The following STRN3 variants were observed in gnomAD, a reference collection of about 807,000 sequenced individuals.
STRN3 encodes striatin 3.
In STRN3, 29 loss-of-function variants were observed where a neutral mutation model predicts 95.6. The observed-to-expected ratio is 0.30, with a 90% CI of 0.23 to 0.41. The LOEUF is 0.41. Ranked by LOEUF, STRN3 falls within the 10% of genes least tolerant of loss-of-function variation. The pLI, the probability that STRN3 is intolerant of heterozygous loss-of-function variation, is 1.00. For synonymous variants in STRN3, 331 were observed against 357.6 expected (o/e 0.93, Z 0.84); for missense variants, 890 against 972.1 (o/e 0.92, Z 1.12).
At chr14:31,001,859 G>A (rs189613630) in intron 1 of STRN3, among the ~76,000 whole-genome samples, 206 of 151,676 alleles carry the variant, frequency 1.4e-3, no homozygotes, top group African/African-American at 4.6e-3. Context: ...GCAAAACCCC[G>A]TCTCTGCTAA....
At chr14:31,013,908 ATTATTATTATTT>A (rs1292116675) in intron 1 of STRN3, among the ~76,000 whole-genome samples, 16 of 107,998 alleles carry the variant, frequency 1.5e-4, no homozygotes, top group African/African-American at 4.1e-4. Flanking sequence ...TATTATTATT[ATTATTATTATTT>A]GAGACAGAGT....
At chr14:30,976,200 C>G (rs998295274) in intron 1 of STRN3, among the ~76,000 whole-genome samples, 2 of 151,984 alleles carry the variant, frequency 1.3e-5, no homozygotes, top group African/African-American at 4.8e-5. Context: ...CAGAAAATAA[C>G]AAAAAGTAAA....
At chr14:30,984,346 G>C in intron 1 of STRN3, among the ~76,000 whole-genome samples, 1 of 149,428 alleles carries the variant, frequency 6.7e-6, no homozygotes, top group East Asian at 2.0e-4. Context: ...AGAGACTGCA[G>C]TGAGCTGAGA....
chr14:30,908,163 A>G (rs1896515855), intron 13 of STRN3, among the ~76,000 whole-genome samples: 1 of 152,138 alleles, frequency 6.6e-6, no homozygotes, highest in Non-Finnish European at 1.5e-5. Context: ...CTGCTTCTCT[A>G]CTACACAAAT....
Position 31,013,564 on chromosome 14 carries a change from A to G in STRN3, c.282+12340T>C, listed in dbSNP as rs118122955. On this transcript the variant is annotated intron_variant, in intron 1 of 17. Coordinates refer to ENST00000357479, the MANE Select transcript of STRN3 (RefSeq NM_001083893.2). ...GGTGGTAGACAGGATCATGGTGAGT[A>G]TAAGACTTAATTTTGAACCACATAT... Among the ~76,000 whole-genome samples the G allele has an allele frequency of 1.9e-3, 285 of 152,196 alleles. 5 individuals are homozygous for G. The East Asian group carries it at 0.032, about 17-fold the overall frequency.
intron 1 of STRN3, among the ~76,000 whole-genome samples, chr14:30,993,355 C>T (rs1413569184): frequency 1.3e-5 from 2 of 151,774 alleles, no homozygotes; most frequent in African/African-American, 4.8e-5. Context: ...GAGAACATGA[C>T]TATTTCATCA....
At chr14:30,973,838 A>G (rs556479912) in intron 1 of STRN3, among the ~76,000 whole-genome samples, 1 of 152,368 alleles carries the variant, frequency 6.6e-6, no homozygotes, top group East Asian at 1.9e-4. Context: ...AAGCAATGTA[A>G]GAAAGTACAT....
chr14:30,973,651 G>A (rs547673358), intron 1 of STRN3, among the ~76,000 whole-genome samples: 2 of 152,186 alleles, frequency 1.3e-5, no homozygotes, highest in African/African-American at 4.8e-5. Context: ...GATAACCAAA[G>A]GCAGACAAAG....
At chr14:30,907,585 CTGAG>C (rs1896498627) in intron 13 of STRN3, among the ~76,000 whole-genome samples, 1 of 149,050 alleles carries the variant, frequency 6.7e-6, no homozygotes, top group South Asian at 2.3e-4. Context: ...GGTTCTTTCA[CTGAG>C]TATGTTTTCT....
At chr14:31,001,234 T>C (rs1456493921) in intron 1 of STRN3, among the ~76,000 whole-genome samples, 3 of 152,120 alleles carry the variant, frequency 2.0e-5, no homozygotes, top group Non-Finnish European at 4.4e-5. Context: ...TGTTTGAATT[T>C]TAGAAGAATA....
rs1896631138 is a variant in STRN3 at position 30,912,271 on chromosome 14, A to C, written c.1375-89T>G. On this transcript the variant is annotated intron_variant, in intron 10 of 17. Transcript: ENST00000357479. ...TGTTCGTTTCTTTTTGGTGTGTTTA[A>C]CACATATATTTAAAACTGTTGGCTA... 6 of 1,272,528 alleles carry C rather than the reference A, an allele frequency of 4.7e-6. No homozygotes were observed. In the South Asian group the frequency reaches 1.0e-4, roughly 22 times the overall value. The allele number at this position is 1,272,528 out of a possible 1,614,324, so 78.8% of individuals were successfully genotyped here.
At chr14:30,990,389 C>T (rs769391956) in intron 1 of STRN3, among the ~76,000 whole-genome samples, 4 of 151,802 alleles carry the variant, frequency 2.6e-5, no homozygotes, top group Non-Finnish European at 5.9e-5. Flanking sequence ...AGGATGGTCT[C>T]GATCTCCTGA....
intron 5 of STRN3, among the ~76,000 whole-genome samples, chr14:30,944,306 A>G (rs1191891644): frequency 6.6e-6 from 1 of 151,960 alleles, no homozygotes; most frequent in Non-Finnish European, 1.5e-5. Context: ...CTTATGCTAC[A>G]AAACACTCTA....
At position 31,001,198 on chromosome 14, in the gene STRN3, T is replaced by C. The variant is rs74041098; in HGVS notation, c.282+24706A>G. 5.2e-3 allele frequency among the ~76,000 whole-genome samples: 785 copies of C among 152,300 alleles called. 3 individuals are homozygous for C. The highest frequency in any genetic ancestry group is 0.018 in the African/African-American group (728 of 41,558). ...AAACTGTCCACCAAAAATTCATATA[T>C]TCTTAACAACTTAAACAAAAATCAG... On this transcript the variant is annotated intron_variant, in intron 1 of 17. Transcript: ENST00000357479.
At chr14:31,023,832 C>A (rs1186520258) in intron 1 of STRN3, among the ~76,000 whole-genome samples, 26 of 143,420 alleles carry the variant, frequency 1.8e-4, no homozygotes, top group Admixed American at 2.1e-4. Flanking sequence ...ATATATAACT[C>A]AAAAAAAAAA....
At chr14:30,993,008 A>C (rs1392878778) in intron 1 of STRN3, among the ~76,000 whole-genome samples, 2 of 152,158 alleles carry the variant, frequency 1.3e-5, no homozygotes, top group East Asian at 3.8e-4. Context: ...TTCACTAATC[A>C]TAATTTATAA....
In STRN3 at chr14:30,931,590, C is replaced by T. The variant is rs368228027; in HGVS notation, c.989-2279G>A. Among the ~76,000 whole-genome samples, 4 of 152,238 alleles carry T rather than the reference C, an allele frequency of 2.6e-5. No individual in the cohort carries two copies. In the South Asian group the frequency reaches 8.3e-4, roughly 32 times the overall value. On this transcript the variant is annotated intron_variant, in intron 7 of 17. Coordinates refer to ENST00000357479, the MANE Select transcript of STRN3 (RefSeq NM_001083893.2). The stretch of plus-strand genomic sequence containing the variant: ...ATACTTAAGTACAAACATTCAGGTG[C>T]TAATTGTATTTTGTAGTTCTATAAA...
chr14:30,981,109 C>T (rs974325601), intron 1 of STRN3, among the ~76,000 whole-genome samples: 5 of 151,748 alleles, frequency 3.3e-5, no homozygotes, highest in Non-Finnish European at 5.9e-5. Flanking sequence ...GCCAGGCGTT[C>T]AAGACCAGCC....
chr14:30,982,060 T>C (rs1306432520), intron 1 of STRN3, among the ~76,000 whole-genome samples: 4 of 116,238 alleles, frequency 3.4e-5, no homozygotes, highest in Non-Finnish European at 6.5e-5. Context: ...ATTGTGCCAC[T>C]GCACTCCAGC....
Sources: gnomAD v4.1 joint callset for allele counts (sites outside exome capture counted in the v4.1 genomes callset) on GRCh38, gnomAD v4.1.1 for gene constraint, MANE v1.5 for transcripts, NCBI Gene and HGNC (gene_info 2026-07-23, HGNC 2026-07-21) for gene names.